Variants in ZNF318 observed in about 807,000 individuals in gnomAD.
ZNF318 encodes the protein endocrine regulator.
In ZNF318, 51 loss-of-function variants were observed where a neutral mutation model predicts 124.2. The observed-to-expected ratio is 0.41, with a 90% CI of 0.33 to 0.52. ZNF318 has a LOEUF of 0.52. Among genes scored for constraint, ZNF318 ranks in the 20% least tolerant of loss-of-function variants. ZNF318 has a pLI of 0.23. For missense variants in ZNF318, 2,815 were observed against 2,811.2 expected, an observed-to-expected ratio of 1.00 and a Z score of -0.03; for synonymous variants, 1,090 against 1,040.7, an observed-to-expected ratio of 1.05 and a Z score of -0.91.
intron 1 of ZNF318, among the ~76,000 whole-genome samples, chr6:43,368,181 G>A (rs1408343511): frequency 2.0e-5 from 3 of 152,338 alleles, no homozygotes; most frequent in Middle Eastern, 3.4e-3. Context: ...TCCTCTAGCA[G>A]TGAAACATAG....
chr6:43,364,264 G>A, intron 2 of ZNF318: 1 of 535,914 alleles, frequency 1.9e-6, no homozygotes, highest in Non-Finnish European at 3.3e-6. Context: ...CTGTGCAGAG[G>A]ACGTAGGCTC....
chr6:43,367,438 G>T (rs966584051), intron 1 of ZNF318, among the ~76,000 whole-genome samples: 2 of 152,240 alleles, frequency 1.3e-5, no homozygotes, highest in Admixed American at 6.5e-5. Flanking sequence ...AGGGCGGAGT[G>T]TAAAGGAGCC....
chr6:43,354,959 C>CT lies in ZNF318; in HGVS notation c.2374dup (p.Arg792LysfsTer26). 1 of 1,609,980 alleles carries CT rather than the reference C, an allele frequency of 6.2e-7. No homozygotes were observed. The highest frequency in any genetic ancestry group is 8.5e-7 in the Non-Finnish European group (1 of 1,177,812). On this transcript the variant is annotated frameshift_variant, in exon 4 of 10. Coordinates refer to ENST00000361428, the MANE Select transcript of ZNF318 (RefSeq NM_014345.3). LOFTEE classifies it high-confidence loss of function. ...GGAGGCTGCATATGCCATGTAGTGC[C>CT]TATAGGCATCAAAAGAGGCAGGGGG...
At position 43,369,339 on chromosome 6, in the gene ZNF318, G is replaced by C; in HGVS notation, c.27C>G (p.Ser9=). MYRSSARS[S]VSSHRPKDDG... ...CGTCTTTAGGCCGGTGGGAAGAGACGGAGGAGCGAGCGCTGCTGCGGTACA... is the reference window on the plus strand; with the variant it reads ...CGTCTTTAGGCCGGTGGGAAGAGACCGAGGAGCGAGCGCTGCTGCGGTACA... Residue 9 remains serine, a synonymous_variant, in exon 1 of 10, where the codon TCC becomes TCG. Transcript: ENST00000361428. 7.5e-7 allele frequency: 1 copy of C among 1,338,942 alleles called. No homozygotes were observed. Among genetic ancestry groups the C allele is most frequent in the Non-Finnish European group, 9.6e-7 (1 of 1,037,272 alleles). 82.9% of individuals were successfully genotyped at this position (1,338,942 alleles called of 1,614,324 possible). A position where few individuals can be genotyped will look rare whatever the true frequency, so the allele number is the denominator to read the frequency against.
At position 43,338,511 on chromosome 6, in the gene ZNF318, T is replaced by G; in HGVS notation, c.5487A>C (p.Leu1829=). 6.2e-7 allele frequency: 1 copy of G among 1,614,224 alleles called. No individual in the cohort carries two copies. The highest frequency in any genetic ancestry group is 1.6e-4 in the Middle Eastern group (1 of 6,062). Residue 1829 remains leucine (L), a synonymous_variant, in exon 10 of 10, where the codon CTA becomes CTC. Transcript: ENST00000361428. ...ACTGTTCAGCCTCTTTGTCAATCAT[T>G]AGCAAGTTGGGCTGTTTTACTTCTC... The part of the protein sequence containing the change: ...WEGEVKQPNL[L]MIDKEAEQSN...
In ZNF318 at chr6:43,338,898, G is replaced by A; in HGVS notation, c.5100C>T (p.Thr1700=). The A allele has an allele frequency of 3.1e-6, 5 of 1,614,082 alleles. No individual in the cohort carries two copies. The highest frequency in any genetic ancestry group is 4.2e-6 in the Non-Finnish European group (5 of 1,180,036). ...TPKTDTLAIW[T]SSSFQSDTSR... ...TAGTGTCACTCTGGAAGGAACTAGA[G>A]GTCCATATGGCCAAAGTGTCTGTCT... The change falls in exon 10 of 10, where the codon ACC becomes ACT. Residue 1700 remains threonine (T), a synonymous_variant. Coordinates refer to ENST00000361428, the MANE Select transcript of ZNF318 (RefSeq NM_014345.3).
chr6:43,355,211 T>C lies in ZNF318; in HGVS notation c.2123A>G (p.Asn708Ser). ...GTCAGACTTTAGGAATGGAGGGCTG[T>C]TTTTTGTGAGCAGGTAAGGATCCAC... Reference protein sequence around the residue: ...SPVDPYLLTKNSPPFLKSDHP... With the variant: ...SPVDPYLLTKSSPPFLKSDHP... Residue 708 changes from asparagine to serine, a missense_variant, in exon 4 of 10, where the codon AAC becomes AGC. By Grantham distance (46) the Asn-to-Ser change is conservative (BLOSUM62 1). Around this residue, in one of 4 missense-constraint regions of ZNF318, gnomAD observed 1,377 missense variants for 1,353.5 expected, o/e 1.02. Coordinates refer to ENST00000361428, the MANE Select transcript of ZNF318 (RefSeq NM_014345.3). 6.2e-7 allele frequency: 1 copy of C among 1,614,136 alleles called. No homozygotes were observed. The highest frequency in any genetic ancestry group is 8.5e-7 in the Non-Finnish European group (1 of 1,180,012).
chr6:43,348,464 G>C lies in ZNF318; in HGVS notation c.2932C>G (p.Gln978Glu). The stretch of plus-strand genomic sequence containing the variant: ...TCGAAGATGTTAATTCCCAAGATCT[G>C]AGCCACTTTGTCCAGTTCAGATTGC... The part of the protein sequence containing the change: ...KKQSELDKVA[Q>E]ILGINIFDKS... The change falls in exon 6 of 10, where the codon CAG becomes GAG. Residue 978 changes from glutamine (Q) to glutamate (E), a missense_variant. Gln to Glu is a conservative substitution (Grantham distance 29). Coordinates refer to ENST00000361428, the MANE Select transcript of ZNF318 (RefSeq NM_014345.3). 20 of 1,614,058 alleles carry C rather than the reference G, an allele frequency of 1.2e-5. No homozygotes were observed. The highest frequency in any genetic ancestry group is 1.7e-5 in the Non-Finnish European group (20 of 1,180,016).
intron 2 of ZNF318, 123 bp from the exon 3 acceptor site, chr6:43,357,888 G>C (rs1291986396): frequency 1.2e-6 from 1 of 854,306 alleles, no homozygotes; most frequent in Non-Finnish European, 1.8e-6. Flanking sequence ...CTATAATCAT[G>C]AAGTCCAAGA....
At position 43,369,328 on chromosome 6, in the gene ZNF318, TG is replaced by T; in HGVS notation, c.37del (p.His13ThrfsTer136). The T allele has an allele frequency of 7.4e-7, 1 of 1,344,260 alleles. No homozygotes were observed. Among genetic ancestry groups the T allele is most frequent in the Non-Finnish European group, 9.6e-7 (1 of 1,039,848 alleles). 83.3% of individuals were successfully genotyped at this position (1,344,260 alleles called of 1,614,324 possible). A position where few individuals can be genotyped will look rare whatever the true frequency, so the allele number is the denominator to read the frequency against. On this transcript the variant is annotated frameshift_variant, in exon 1 of 10. Coordinates refer to ENST00000361428, the MANE Select transcript of ZNF318 (RefSeq NM_014345.3). LOFTEE classifies it high-confidence loss of function. ...RSSARSSVSSHRPKDDGGGGP... is the reference protein window; with the variant it reads ...RSSARSSVSSXRPKDDGGGGP... ...GCCCCCGCCGTCGTCTTTAGGCCGGTGGGAAGAGACGGAGGAGCGAGCGCTG... is the reference window on the plus strand; with the variant it reads ...GCCCCCGCCGTCGTCTTTAGGCCGGTGGAAGAGACGGAGGAGCGAGCGCTG...
rs151197319 is a variant in ZNF318, at chr6:43,355,758, G to A, written c.1576C>T (p.Arg526Cys). The change falls in exon 4 of 10, where the codon CGT becomes TGT. Residue 526 changes from arginine to cysteine, a missense_variant. Coordinates refer to ENST00000361428, the MANE Select transcript of ZNF318 (RefSeq NM_014345.3). Reference protein sequence around the residue: ...DSTSTQEKRRRSFPDIEDEEK... With the variant: ...DSTSTQEKRRCSFPDIEDEEK... Reference sequence around the variant, plus strand: ...TCATCTTCAATGTCGGGAAAGCTACGTCGCCTTTTTTCCTGTGTACTGGTA... The same window carrying A: ...TCATCTTCAATGTCGGGAAAGCTACATCGCCTTTTTTCCTGTGTACTGGTA... The A allele has an allele frequency of 8.7e-4, 1,405 of 1,614,166 alleles. No individual in the cohort carries two copies. The highest frequency in any genetic ancestry group is 1.1e-3 in the East Asian group (50 of 44,890).
At chr6:43,360,058 G>A (rs1455726516) in intron 2 of ZNF318, among the ~76,000 whole-genome samples, 1 of 152,064 alleles carries the variant, frequency 6.6e-6, no homozygotes, top group Non-Finnish European at 1.5e-5. Flanking sequence ...ATTAGTATAG[G>A]GAGAAAAAAC....
In ZNF318 at chr6:43,348,336, G is replaced by A. The variant is rs1328432147; in HGVS notation, c.3060C>T (p.Ser1020=). The stretch of plus-strand genomic sequence containing the variant: ...ATTGAGTTGTTACCTTGTTGGAGGA[G>A]GAGTTTGAGAACGATGACACTTTTT... ...SPEKVSSFSN[S]SSNKESKVNN... The change falls in exon 6 of 10, where the codon TCC becomes TCT. Residue 1020 remains serine, a synonymous_variant. Coordinates refer to ENST00000361428, the MANE Select transcript of ZNF318 (RefSeq NM_014345.3). 1 of 1,606,254 alleles carries A rather than the reference G, an allele frequency of 6.2e-7. No homozygotes were observed. Among genetic ancestry groups the A allele is most frequent in the Non-Finnish European group, 8.5e-7 (1 of 1,176,734 alleles).
intron 6 of ZNF318, among the ~76,000 whole-genome samples, chr6:43,347,676 C>T (rs1779465320): frequency 6.6e-6 from 1 of 152,166 alleles, no homozygotes; most frequent in African/African-American, 2.4e-5. Context: ...TTGTTAGACA[C>T]TCAGAAGACT....
At chr6:43,351,416 ATACT>A (rs1295734075) in intron 5 of ZNF318, among the ~76,000 whole-genome samples, 3 of 152,316 alleles carry the variant, frequency 2.0e-5, no homozygotes, top group Middle Eastern at 3.4e-3. Context: ...TTGTTAGGAA[ATACT>A]TAAGTATTTA....
rs2150759958 is a variant in ZNF318, at chr6:43,369,154, G to A, written c.212C>T (p.Ser71Phe). The change falls in exon 1 of 10, where the codon TCC becomes TTC. Residue 71 changes from serine (S) to phenylalanine (F), a missense_variant. Around this residue, in one of 4 missense-constraint regions of ZNF318, gnomAD observed 1,377 missense variants for 1,353.5 expected, o/e 1.02. Coordinates refer to ENST00000361428, the MANE Select transcript of ZNF318 (RefSeq NM_014345.3). ...GGAGACGCGACGACCCCGTGGCGGG[G>A]ACGGCGAGGCCCGGCGGCCGCGGTG... ...SGHRGRRASP[S>F]PPRGRRVSPS... 1.6e-6 allele frequency: 2 copies of A among 1,218,738 alleles called. No homozygotes were observed. The highest frequency in any genetic ancestry group is 2.0e-6 in the Non-Finnish European group (2 of 979,986). 75.5% of individuals were successfully genotyped at this position (1,218,738 alleles called of 1,614,324 possible). A position where few individuals can be genotyped will look rare whatever the true frequency, so the allele number is the denominator to read the frequency against.
chr6:43,353,144 A>T (rs1334532562), intron 4 of ZNF318, among the ~76,000 whole-genome samples: 1 of 152,210 alleles, frequency 6.6e-6, no homozygotes, highest in Non-Finnish European at 1.5e-5. Context: ...GACTAGATTT[A>T]TAAAAGGAAA....
intron 3 of ZNF318, 21 bp from the exon 4 acceptor site, chr6:43,356,166 G>A: frequency 1.3e-6 from 2 of 1,595,130 alleles, no homozygotes; most frequent in Admixed American, 3.6e-5. Context: ...AAACACAACT[G>A]ATTTAGTCTT....
Position 43,339,616 on chromosome 6 carries a change from G to A in ZNF318, c.4382C>T (p.Pro1461Leu). Residue 1461 changes from proline (P) to leucine (L), a missense_variant, in exon 10 of 10, where the codon CCA becomes CTA. Transcript: ENST00000361428. This position sits in a 1 kb window ranked among gnomAD's most constrained non-coding sequence, Gnocchi z 4.2. ...PPPPPPVIPH[P>L]AAPSAAQANA... ...TGCTTGAGCAGCAGACGGGGCAGCT[G>A]GATGAGGTATAACGGGGGGTGGTGG... 1.2e-6 allele frequency: 2 copies of A among 1,612,100 alleles called. No homozygotes were observed. The highest frequency in any genetic ancestry group is 1.7e-6 in the Non-Finnish European group (2 of 1,179,338).
Sources: allele counts gnomAD v4.1 joint callset (sites outside exome capture counted in the v4.1 genomes callset), GRCh38; gene constraint gnomAD v4.1.1; regional missense constraint gnomAD v4.1.1; non-coding constraint Gnocchi (gnomAD v3.1); transcripts MANE v1.5; gene names NCBI Gene and HGNC (gene_info 2026-07-23, HGNC 2026-07-21).